LIN54: variants seen among roughly 807,000 people sequenced by gnomAD.
LIN54 encodes protein lin-54 homolog.
In LIN54, 9 loss-of-function variants were observed where a neutral mutation model predicts 78.7. The ratio of observed to expected loss-of-function variants is 0.11; its 90% CI spans 0.07 to 0.20. LIN54 has a LOEUF of 0.20. Ranked by LOEUF, LIN54 falls within the 10% of genes least tolerant of loss-of-function variation. LIN54 has a pLI of 1.00. For missense variants in LIN54, 573 were observed against 889.9 expected, an observed-to-expected ratio of 0.64 and a Z score of 4.53; for synonymous variants, 269 against 318.4, an observed-to-expected ratio of 0.84 and a Z score of 1.65.
chr4:82,986,928 T>C (rs990694337), intron 1 of LIN54, among the ~76,000 whole-genome samples: 2 of 152,130 alleles, frequency 1.3e-5, no homozygotes, highest in South Asian at 2.1e-4. Context: ...GAAAGGTTAA[T>C]TTGCCTAAGG....
intron 11 of LIN54, 150 bp downstream of exon 11, chr4:82,935,831 G>A (rs1000278599): frequency 1.4e-6 from 1 of 727,198 alleles, no homozygotes; most frequent in Non-Finnish European, 2.3e-6. Flanking sequence ...AGGCTCGAAG[G>A]CCTTCCTAAA....
intron 3 of LIN54, among the ~76,000 whole-genome samples, chr4:82,972,743 G>A (rs1725765874): frequency 6.6e-6 from 1 of 152,108 alleles, no homozygotes; most frequent in Non-Finnish European, 1.5e-5. Flanking sequence ...AGCACTTTGG[G>A]AGGCCGAGGC....
intron 4 of LIN54, among the ~76,000 whole-genome samples, chr4:82,960,760 G>A (rs1724717998): frequency 6.6e-6 from 1 of 152,082 alleles, no homozygotes; most frequent in South Asian, 2.1e-4. Context: ...GTATTTCAGT[G>A]TATAAGTAAA....
At chr4:82,945,934 A>C (rs1303006904) in intron 5 of LIN54, among the ~76,000 whole-genome samples, 4 of 152,228 alleles carry the variant, frequency 2.6e-5, no homozygotes, top group African/African-American at 9.6e-5. Flanking sequence ...ATAGTTTAGC[A>C]AATAAAATAC....
In LIN54 at chr4:82,984,205, T is replaced by G. The variant is rs754423050; in HGVS notation, c.640A>C (p.Thr214Pro). The G allele has an allele frequency of 3.1e-6, 5 of 1,614,018 alleles. No individual in the cohort carries two copies. Among genetic ancestry groups the G allele is most frequent in the Non-Finnish European group, 4.2e-6 (5 of 1,179,994 alleles). Residue 214 changes from threonine to proline, a missense_variant, in exon 2 of 13, where the codon ACT becomes CCT. Transcript: ENST00000340417. ...TGGGTCTGTAACACAGAGGGCTGAG[T>G]TGTAGTATTAATCAGTTGACTTCCT... ...TPGSQLINTT[T>P]QPSVLQTQQL...
At chr4:82,935,826 C>G (rs545379799) in intron 11 of LIN54, among the ~76,000 whole-genome samples, 155 bp downstream of exon 11, 1 of 152,248 alleles carries the variant, frequency 6.6e-6, no homozygotes, top group South Asian at 2.1e-4. Flanking sequence ...TACAGAGGCT[C>G]GAAGGCCTTC....
rs1401489537 is a variant in LIN54 at position 83,001,970 on chromosome 4, G to A, written c.-33+8514C>T. ...AGGAAGGAAGGAAGGAAGGAAGGAA[G>A]GAAGGAAGGGAGGGATCTTGGAGAA... On this transcript the variant is annotated intron_variant, in intron 1 of 12. Coordinates refer to ENST00000340417, the MANE Select transcript of LIN54 (RefSeq NM_194282.4). 8.4e-3 allele frequency among the ~76,000 whole-genome samples: 191 copies of A among 22,708 alleles called. 66 individuals carry two copies. Among genetic ancestry groups the A allele is most frequent in the African/African-American group, 0.016 (168 of 10,288 alleles). The allele number at this position is 22,708 out of a possible 152,430, so 14.9% of individuals were successfully genotyped here. A position where few individuals can be genotyped will look rare whatever the true frequency, so the allele number is the denominator to read the frequency against.
At chr4:82,962,139 G>A (rs1314833736) in intron 4 of LIN54, among the ~76,000 whole-genome samples, 1 of 151,932 alleles carries the variant, frequency 6.6e-6, no homozygotes, top group Non-Finnish European at 1.5e-5. Flanking sequence ...TGCCCAGGCT[G>A]GCCTTGAACT....
At chr4:82,936,448 A>G (rs903060178) in intron 9 of LIN54, 67 bp from the exon 10 acceptor site, 89 of 751,872 alleles carry the variant, frequency 1.2e-4, no homozygotes, top group Non-Finnish European at 2.7e-5. Flanking sequence ...CTGATTATGC[A>G]TACATTGTAT....
chr4:82,928,535 G>A (rs765385703), intron 12 of LIN54, among the ~76,000 whole-genome samples: 17 of 152,136 alleles, frequency 1.1e-4, no homozygotes, highest in Non-Finnish European at 2.4e-4. Flanking sequence ...CATAAAACAC[G>A]TTACTTATTA....
At chr4:82,948,891 T>C (rs1009425457) in intron 4 of LIN54, among the ~76,000 whole-genome samples, 4 of 152,214 alleles carry the variant, frequency 2.6e-5, no homozygotes, top group African/African-American at 7.2e-5. Context: ...TTATTTTATA[T>C]ATATACTACA....
intron 5 of LIN54, chr4:82,944,683 C>T (rs1333252799): frequency 6.6e-6 from 1 of 152,022 alleles, no homozygotes; most frequent in African/African-American, 2.4e-5. Context: ...CTCAGGTGAA[C>T]CACCTATCAG....
At chr4:82,990,947 A>G (rs1727639193) in intron 1 of LIN54, among the ~76,000 whole-genome samples, 1 of 152,154 alleles carries the variant, frequency 6.6e-6, no homozygotes, top group Non-Finnish European at 1.5e-5. Flanking sequence ...TGAAAAGATC[A>G]TTTAAAACAA....
chr4:82,929,262 T>C (rs1721747238), intron 12 of LIN54, among the ~76,000 whole-genome samples: 1 of 152,216 alleles, frequency 6.6e-6, no homozygotes, highest in Non-Finnish European at 1.5e-5. Flanking sequence ...GTTTTTAATA[T>C]GTAATTTTGA....
intron 12 of LIN54, among the ~76,000 whole-genome samples, chr4:82,928,885 A>G (rs1005427159): frequency 1.3e-5 from 2 of 152,242 alleles, no homozygotes; most frequent in Non-Finnish European, 1.5e-5. Context: ...TGTTCTGTAC[A>G]CAGAGTTGCA....
chr4:83,005,626 GAAAA>G (rs34604804), intron 1 of LIN54, among the ~76,000 whole-genome samples: 1 of 104,622 alleles, frequency 9.6e-6, no homozygotes, highest in Non-Finnish European at 2.0e-5. Context: ...CTCCATCTCA[GAAAA>G]AAAAAAAAAA....
chr4:82,932,115 G>A lies in LIN54; in HGVS notation c.1846-970C>T, dbSNP rs1170250886. ...TAATTTTTTTTTTTTTTTTTTTTGA[G>A]ATGGAGTCTCGCTCTGTCTCCCAGG... On this transcript the variant is annotated intron_variant, in intron 11 of 12. Transcript: ENST00000340417. Among the ~76,000 whole-genome samples the A allele has an allele frequency of 2.4e-4, 29 of 119,296 alleles. No individual in the cohort carries two copies. The Admixed American group carries it at 2.6e-3, about 11-fold the overall frequency. 78.3% of individuals were successfully genotyped at this position (119,296 alleles called of 152,430 possible). A position where few individuals can be genotyped will look rare whatever the true frequency, so the allele number is the denominator to read the frequency against.
At chr4:82,990,628 C>T (rs576892902) in intron 1 of LIN54, among the ~76,000 whole-genome samples, 7 of 152,120 alleles carry the variant, frequency 4.6e-5, no homozygotes, top group East Asian at 1.9e-4. Flanking sequence ...GGACTACGGG[C>T]GCCCGCCACC....
intron 5 of LIN54, among the ~76,000 whole-genome samples, chr4:82,942,422 T>C (rs150269578): frequency 1.2e-3 from 180 of 152,306 alleles, no homozygotes; most frequent in African/African-American, 4.1e-3. Context: ...CTCAGTAAGG[T>C]TGTTATACAA....
Sources: allele counts gnomAD v4.1 joint callset (sites outside exome capture counted in the v4.1 genomes callset), GRCh38; gene constraint gnomAD v4.1.1; transcripts MANE v1.5; gene names NCBI Gene and HGNC (gene_info 2026-07-23, HGNC 2026-07-21).